MAOA: variants seen among roughly 807,000 people sequenced by gnomAD.
The protein encoded by MAOA is monoamine oxidase A, also known as amine oxidase [flavin-containing] A.
Under a neutral mutation model 42.0 loss-of-function variants are expected in MAOA, and 6 were observed. The observed-to-expected ratio is 0.14, with a 90% confidence interval of 0.08 to 0.28. MAOA has a LOEUF of 0.28. Ranked by LOEUF, MAOA falls within the 10% of genes least tolerant of loss-of-function variation. MAOA has a pLI of 1.00. For synonymous variants in MAOA, 140 were observed against 154.0 expected (o/e 0.91, Z 0.67); for missense variants, 262 against 422.3 (o/e 0.62, Z 3.33).
intron 3 of MAOA, among the ~76,000 whole-genome samples, chrX:43,701,624 C>A (rs1277191598): frequency 5.4e-5 from 6 of 111,495 alleles, no homozygotes; most frequent in African/African-American, 2.0e-4. Flanking sequence ...AGTAACCTAG[C>A]ATCACCCTCC....
Position 43,743,893 on chromosome X carries a change from A to G in MAOA, c.1362A>G (p.Arg454=). 1 of 1,169,877 alleles carries G rather than the reference A, an allele frequency of 8.5e-7. No homozygotes were observed. The highest frequency in any genetic ancestry group is 1.1e-6 in the Non-Finnish European group (1 of 874,218). Residue 454 remains arginine (R), a synonymous_variant, in exon 13 of 15, where the codon CGA becomes CGG. Transcript: ENST00000338702. ...AAGGGGCAGTTGAGGCTGGAGAACG[A>G]GCAGCTAGGGAGGTAAGCAGGAAAG... The part of the protein sequence containing the change: ...YMEGAVEAGE[R]AAREVLNGLG...
At chrX:43,700,238 G>A (rs1221897261) in intron 3 of MAOA, among the ~76,000 whole-genome samples, 2 of 112,176 alleles carry the variant, frequency 1.8e-5, no homozygotes, top group Non-Finnish European at 3.8e-5. Context: ...GAGCGTAGGA[G>A]CCAAAGTGTG....
chrX:43,715,332 A>T lies in MAOA; in HGVS notation c.503+2536A>T, dbSNP rs772039724. 2.7e-5 allele frequency among the ~76,000 whole-genome samples: 3 copies of T among 110,243 alleles called. No individual in the cohort carries two copies. In the Admixed American group the frequency reaches 2.9e-4, roughly 11 times the overall value. On this transcript the variant is annotated intron_variant, in intron 5 of 14. Coordinates refer to ENST00000338702, the MANE Select transcript of MAOA (RefSeq NM_000240.4). ...GGAATGACCCAGAGGGGTAGCGCAG[A>T]GAGAGGAAACATGACTGGTGTGGCA...
chrX:43,719,043 T>TG (rs2033767822), intron 5 of MAOA, among the ~76,000 whole-genome samples: 1 of 109,078 alleles, frequency 9.2e-6, no homozygotes, highest in Admixed American at 9.7e-5. Context: ...TGGTGGTGCC[T>TG]GGGGGGACAC....
At chrX:43,689,603 C>T (rs1485394782) in intron 2 of MAOA, among the ~76,000 whole-genome samples, 1 of 112,099 alleles carries the variant, frequency 8.9e-6, no homozygotes, top group Non-Finnish European at 1.9e-5. Context: ...ACCCTTCTTC[C>T]AATCTGTAAA....
At chrX:43,744,243 T>C in intron 14 of MAOA, 72 bp downstream of exon 14, 1 of 1,130,963 alleles carries the variant, frequency 8.8e-7, no homozygotes, top group Non-Finnish European at 1.2e-6. Flanking sequence ...ATCTCCCTTC[T>C]TCTAGCCTCC....
intron 1 of MAOA, among the ~76,000 whole-genome samples, chrX:43,679,638 A>G (rs1409433227): frequency 9.0e-6 from 1 of 111,194 alleles, no homozygotes; most frequent in African/African-American, 3.3e-5. Flanking sequence ...CAGTGTGGGG[A>G]GAGCCAGTTT....
chrX:43,690,298 A>G (rs895200949), intron 2 of MAOA, among the ~76,000 whole-genome samples: 5 of 109,906 alleles, frequency 4.5e-5, no homozygotes, highest in African/African-American at 1.7e-4. Flanking sequence ...CTCTTTAACT[A>G]TGTCAAATAT....
intron 1 of MAOA, among the ~76,000 whole-genome samples, chrX:43,669,399 A>G (rs1378348519): frequency 9.0e-6 from 1 of 110,856 alleles, no homozygotes; most frequent in Non-Finnish European, 1.9e-5. Flanking sequence ...GCCTGGGCAA[A>G]AGAGCAAGAC....
intron 1 of MAOA, among the ~76,000 whole-genome samples, chrX:43,675,259 A>G (rs1277122409): frequency 1.8e-5 from 2 of 111,396 alleles, no homozygotes; most frequent in Non-Finnish European, 3.8e-5. Context: ...TGCATTCTTC[A>G]CGTAGTTCTC....
intron 10 of MAOA, among the ~76,000 whole-genome samples, chrX:43,737,768 T>G (rs760489401): frequency 8.9e-6 from 1 of 112,184 alleles, no homozygotes; most frequent in Non-Finnish European, 1.9e-5. Context: ...GACACATACA[T>G]TCAAATCATC....
rs1254056974 is a variant in MAOA, at chrX:43,675,793, C to T, written c.74-7720C>T. Among the ~76,000 whole-genome samples, 6 of 111,831 alleles carry T rather than the reference C, an allele frequency of 5.4e-5. No individual in the cohort carries two copies. In the East Asian group the frequency reaches 1.7e-3, roughly 32 times the overall value. Reference sequence around the variant, plus strand: ...CCACGAATGCTGCTGTCTGATCGTTCCTCTGGAAGTTTTGTCTCAGAGGAG... The same window carrying T: ...CCACGAATGCTGCTGTCTGATCGTTTCTCTGGAAGTTTTGTCTCAGAGGAG... On this transcript the variant is annotated intron_variant, in intron 1 of 14. Coordinates refer to ENST00000338702, the MANE Select transcript of MAOA (RefSeq NM_000240.4).
At position 43,740,654 on chromosome X, in the gene MAOA, T is replaced by TA. The variant is rs753772130; in HGVS notation, c.1107-27_1107-26insA. The TA allele has an allele frequency of 8.8e-6, 10 of 1,134,378 alleles. No individual in the cohort carries two copies. The Admixed American group carries it at 9.9e-5, about 11-fold the overall frequency. The allele number at this position is 1,134,378 out of a possible 1,213,427, so 93.5% of individuals were successfully genotyped here. ...AGTTACTCCTTCCCTAACTTTATTT[T>TA]TTTTTTTTTTTGGCTCTGTTTTATA... On this transcript the variant is annotated intron_variant, in intron 10 of 14. Transcript: ENST00000338702.
At chrX:43,720,519 C>G (rs1188313835) in intron 5 of MAOA, among the ~76,000 whole-genome samples, 3 of 109,710 alleles carry the variant, frequency 2.7e-5, no homozygotes, top group Admixed American at 9.7e-5. Context: ...AATGCTGTAG[C>G]AAGATACATC....
chrX:43,736,359 T>C, intron 10 of MAOA, 79 bp downstream of exon 10: 1 of 639,715 alleles, frequency 1.6e-6, no homozygotes, highest in Non-Finnish European at 2.4e-6. Context: ...TAGAATAACA[T>C]GAGGAAAAAC....
chrX:43,734,132 CTTTT>C (rs745875170), intron 9 of MAOA, among the ~76,000 whole-genome samples: 2 of 62,429 alleles, frequency 3.2e-5, no homozygotes, highest in African/African-American at 1.1e-4. Flanking sequence ...TTTGGGCTTT[CTTTT>C]TTTTTTTTTT....
rs1329939293 is a variant in MAOA, at chrX:43,658,299, T to C, written c.73+1885T>C. On this transcript the variant is annotated intron_variant, in intron 1 of 14. Transcript: ENST00000338702. ...GAATTCCTTAAGGAGCGCGGTTTTT[T>C]TATTTTTCCTCTGCCTGATTACCTG... 2.7e-5 allele frequency among the ~76,000 whole-genome samples: 3 copies of C among 111,748 alleles called. No individual in the cohort carries two copies. In the Admixed American group the frequency reaches 2.9e-4, roughly 11 times the overall value.
At chrX:43,736,180 A>G in intron 9 of MAOA, 47 bp from the exon 10 acceptor site, 1 of 997,510 alleles carries the variant, frequency 1.0e-6, no homozygotes, top group South Asian at 1.9e-5. Context: ...GCAGCTCTTA[A>G]AATAAACAGC....
intron 3 of MAOA, among the ~76,000 whole-genome samples, chrX:43,710,981 C>G (rs1386405087): frequency 9.0e-6 from 1 of 111,583 alleles, no homozygotes; most frequent in Non-Finnish European, 1.9e-5. Flanking sequence ...GTCTTTGTAG[C>G]AGGAAGCATC....
Sources: allele counts gnomAD v4.1 joint callset (sites outside exome capture counted in the v4.1 genomes callset), GRCh38; gene constraint gnomAD v4.1.1; transcripts MANE v1.5; gene names NCBI Gene and HGNC (gene_info 2026-07-23, HGNC 2026-07-21).